Variants in SGCD observed in about 807,000 individuals in gnomAD.
The protein encoded by SGCD is delta-sarcoglycan.
Under a neutral mutation model 36.6 loss-of-function variants are expected in SGCD, and 18 were observed. That is an observed-to-expected ratio of 0.49 (90% CI 0.34 to 0.73). The LOEUF (loss-of-function observed/expected upper bound fraction) is 0.73. Among genes scored for constraint, SGCD ranks in the 30% least tolerant of loss-of-function variants. The pLI, the probability that SGCD is intolerant of heterozygous loss-of-function variation, is 0.01. For missense variants in SGCD, 387 were observed against 346.7 expected (o/e 1.12, Z -0.92); for synonymous variants, 133 against 130.6 (o/e 1.02, Z -0.12).
chr5:155,810,795 C>CTTTTTTTTTTTTTTT, the SGCD span, among the ~76,000 whole-genome samples: 2 of 35,334 alleles, frequency 5.7e-5, 1 homozygote. Context: ...TTAGTGTCTG[C>CTTTTTTTTTTTTTTT]TTTTTTTTTT....
At chr5:156,327,019 A>G (rs1187920698), upstream of SGCD, 1 of 152,318 alleles carries the variant, frequency 6.6e-6, no homozygotes. Flanking sequence ...GCAGTCAGAA[A>G]AAGAACGGGA....
intron 4 of SGCD, among the ~76,000 whole-genome samples, chr5:156,571,923 C>G (rs1368011144): frequency 6.6e-6 from 1 of 152,172 alleles, no homozygotes; most frequent in Non-Finnish European, 1.5e-5. Context: ...TTATCTCTTT[C>G]TCCAGCTCCT....
At chr5:156,201,669 G>A (rs1305080030) in intron 3 of SGCD, among the ~76,000 whole-genome samples, 2 of 151,796 alleles carry the variant, frequency 1.3e-5, no homozygotes, top group African/African-American at 4.8e-5. Flanking sequence ...AATTAAAATC[G>A]AATGAATGCC....
intron 3 of SGCD, among the ~76,000 whole-genome samples, chr5:156,124,860 C>T (rs146729625): frequency 2.8e-4 from 42 of 152,070 alleles, no homozygotes; most frequent in African/African-American, 6.8e-4. Context: ...GAAAAAAATA[C>T]TATAAGCACA....
At chr5:156,646,595 G>C (rs1212138299) in intron 6 of SGCD, among the ~76,000 whole-genome samples, 1 of 152,136 alleles carries the variant, frequency 6.6e-6, no homozygotes, top group Non-Finnish European at 1.5e-5. Context: ...ACACATGGAA[G>C]TAAGATATTC....
intron 3 of SGCD, among the ~76,000 whole-genome samples, chr5:156,499,676 A>G (rs2127860808): frequency 6.6e-6 from 1 of 152,286 alleles, no homozygotes; most frequent in Non-Finnish European, 1.5e-5. Flanking sequence ...AATTGCGAGC[A>G]TGTTCTGTGA....
chr5:156,652,998 A>G (rs1365876708), intron 7 of SGCD, among the ~76,000 whole-genome samples: 1 of 152,082 alleles, frequency 6.6e-6, no homozygotes, highest in Non-Finnish European at 1.5e-5. Flanking sequence ...TTTGTCTGCT[A>G]GTATTTTTTT....
chr5:156,001,269 A>G (rs142885071), intron 1 of SGCD, among the ~76,000 whole-genome samples: 2 of 152,338 alleles, frequency 1.3e-5, no homozygotes, highest in African/African-American at 4.8e-5. Context: ...ATTTTTGAAA[A>G]GCCTTCAAAA....
chr5:155,735,726 A>T, the SGCD span, among the ~76,000 whole-genome samples: 2 of 152,330 alleles, frequency 1.3e-5, no homozygotes, highest in East Asian at 3.9e-4. Flanking sequence ...AGAGAAGCAG[A>T]CCTGAAATTA....
chr5:155,938,334 G>C (rs62380667), intron 1 of SGCD, among the ~76,000 whole-genome samples: 1 of 152,184 alleles, frequency 6.6e-6, no homozygotes, highest in African/African-American at 2.4e-5. Flanking sequence ...CCCAGGATAA[G>C]AATGCTTAGG....
intron 4 of SGCD, among the ~76,000 whole-genome samples, chr5:156,552,655 A>G (rs928210518): frequency 6.6e-6 from 1 of 152,072 alleles, no homozygotes; most frequent in Non-Finnish European, 1.5e-5. Flanking sequence ...AAATAAGAAC[A>G]TCCTCCTGCA....
chr5:156,035,862 A>G (rs1759483902), intron 1 of SGCD, among the ~76,000 whole-genome samples: 1 of 152,216 alleles, frequency 6.6e-6, no homozygotes, highest in Admixed American at 6.5e-5. Flanking sequence ...TTGGTGAGCA[A>G]AGTATCAAAA....
intron 3 of SGCD, among the ~76,000 whole-genome samples, chr5:156,294,502 G>A (rs1000884187): frequency 1.4e-4 from 21 of 152,116 alleles, no homozygotes; most frequent in African/African-American, 3.9e-4. Flanking sequence ...TGCTCTGGCT[G>A]TGACTTCCAG....
chr5:156,156,726 G>T (rs1359141985), intron 3 of SGCD, among the ~76,000 whole-genome samples: 1 of 151,350 alleles, frequency 6.6e-6, no homozygotes, highest in Non-Finnish European at 1.5e-5. Flanking sequence ...ATTTTTTCAG[G>T]TCCCTGGGTC....
At chr5:156,194,973 T>TG (rs1284976346) in intron 3 of SGCD, among the ~76,000 whole-genome samples, 2 of 152,140 alleles carry the variant, frequency 1.3e-5, no homozygotes, top group African/African-American at 4.8e-5. Flanking sequence ...ATGATGATGA[T>TG]GATTATGGTG....
At position 156,267,165 on chromosome 5, in the gene SGCD, A is replaced by G. The variant is rs551010191; in HGVS notation, c.-43-62369A>G. ...TTCATTGTGCAGAACTAGTTACATA[A>G]CAAGTATTGAGTGCTTAGCATTAGT... On this transcript the variant is annotated intron_variant, in intron 3 of 9. Coordinates refer to the SGCD transcript ENST00000517913. Among the ~76,000 whole-genome samples the G allele has an allele frequency of 7.9e-5, 12 of 152,318 alleles. No homozygotes were observed. The South Asian group carries it at 8.3e-4, about 11-fold the overall frequency.
intron 3 of SGCD, among the ~76,000 whole-genome samples, chr5:156,154,366 TC>T (rs1762898980): frequency 6.6e-6 from 1 of 151,658 alleles, no homozygotes; most frequent in Non-Finnish European, 1.5e-5. Context: ...AGCTTAGAAC[TC>T]CCTAAGCACT....
At chr5:156,096,976 A>G (rs1439702724) in intron 1 of SGCD, among the ~76,000 whole-genome samples, 2 of 152,068 alleles carry the variant, frequency 1.3e-5, no homozygotes, top group African/African-American at 4.8e-5. Flanking sequence ...CTGATATAGA[A>G]TTCATAGTTG....
At chr5:156,213,056 T>C (rs1289117353) in intron 3 of SGCD, among the ~76,000 whole-genome samples, 1 of 151,832 alleles carries the variant, frequency 6.6e-6, no homozygotes, top group Non-Finnish European at 1.5e-5. Flanking sequence ...GAAAAAATGT[T>C]CTCAAATAAA....
Sources: allele counts gnomAD v4.1 joint callset (sites outside exome capture counted in the v4.1 genomes callset), GRCh38; gene constraint gnomAD v4.1.1; transcripts MANE v1.5; gene names NCBI Gene and HGNC (gene_info 2026-07-23, HGNC 2026-07-21).